SLC9A7: variants seen among roughly 807,000 people sequenced by gnomAD.
The protein encoded by SLC9A7 is solute carrier family 9 member A7, also known as sodium/hydrogen exchanger 7.
SLC9A7 carries 19 observed loss-of-function variants against 52.6 expected under a neutral mutation model. That is an observed-to-expected ratio of 0.36 (90% CI 0.25 to 0.53). The LOEUF (loss-of-function observed/expected upper bound fraction) is 0.53, where lower values mean the gene tolerates loss of function less well. Among genes scored for constraint, SLC9A7 ranks in the 20% least tolerant of loss-of-function variants. The probability of loss-of-function intolerance (pLI) is 0.91; values close to 1 mark genes in which losing one functional copy is unlikely to be tolerated. For synonymous variants in SLC9A7, 226 were observed against 252.1 expected, an observed-to-expected ratio of 0.90 and a Z score of 0.98; for missense variants, 455 against 597.9, an observed-to-expected ratio of 0.76 and a Z score of 2.49.
chrX:46,663,377 G>A (rs1347491049), intron 5 of SLC9A7, among the ~76,000 whole-genome samples: 2 of 108,191 alleles, frequency 1.8e-5, no homozygotes, highest in Non-Finnish European at 3.8e-5. Context: ...GGTGGCTTAC[G>A]CCTGTAATCC....
At chrX:46,751,231 T>C (rs1207025612) in intron 1 of SLC9A7, among the ~76,000 whole-genome samples, 1 of 111,536 alleles carries the variant, frequency 9.0e-6, no homozygotes, top group African/African-American at 3.3e-5. Context: ...GGAAGGCATC[T>C]GGTCCCTGAA....
intron 1 of SLC9A7, among the ~76,000 whole-genome samples, chrX:46,699,008 C>G (rs987764220): frequency 9.0e-6 from 1 of 111,593 alleles, no homozygotes; most frequent in Non-Finnish European, 1.9e-5. Context: ...TATCTCATCC[C>G]CTTAGAACAA....
chrX:46,617,001 T>G (rs1942964207), intron 15 of SLC9A7, among the ~76,000 whole-genome samples: 1 of 111,956 alleles, frequency 8.9e-6, no homozygotes, highest in Non-Finnish European at 1.9e-5. Flanking sequence ...TCTTCCATTA[T>G]TTCTTTGGTA....
intron 11 of SLC9A7, among the ~76,000 whole-genome samples, chrX:46,644,620 G>A: frequency 1.0e-5 from 1 of 99,243 alleles, no homozygotes; most frequent in East Asian, 3.1e-4. Flanking sequence ...CTGGAGGACA[G>A]AGCAAGGCTG....
At chrX:46,625,768 T>C (rs753413457) in intron 14 of SLC9A7, among the ~76,000 whole-genome samples, 38 of 102,231 alleles carry the variant, frequency 3.7e-4, no homozygotes, top group Non-Finnish European at 5.6e-4. Flanking sequence ...GAGGAAGGAA[T>C]GCAGTAGAAG....
intron 1 of SLC9A7, among the ~76,000 whole-genome samples, chrX:46,705,621 G>C (rs1349537640): frequency 1.8e-5 from 2 of 111,669 alleles, no homozygotes; most frequent in Admixed American, 9.5e-5. Flanking sequence ...GATTGCTTGA[G>C]CTCAGGAGTT....
At chrX:46,682,959 A>ATTTTTTTTTTT (rs1276924527) in intron 1 of SLC9A7, among the ~76,000 whole-genome samples, 1 of 62,474 alleles carries the variant, frequency 1.6e-5, no homozygotes, top group African/African-American at 7.8e-5. Flanking sequence ...ACACCCGGCT[A>ATTTTTTTTTTT]ATTTTTTTTT....
rs182152485 is a variant in SLC9A7 at position 46,696,193 on chromosome X, C to T, written c.326-13658G>A. On this transcript the variant is annotated intron_variant, in intron 1 of 16. Transcript: ENST00000616978. ...TAGAGACAGGGTTTCTCCAAGTTGG[C>T]CAGGGTGGTCTTGAACTCCTGGCCT... Among the ~76,000 whole-genome samples, 857 of 110,273 alleles carry T rather than the reference C, an allele frequency of 7.8e-3. 11 individuals are homozygous for T. The highest frequency in any genetic ancestry group is 0.026 in the African/African-American group (775 of 30,260).
intron 1 of SLC9A7, among the ~76,000 whole-genome samples, chrX:46,732,586 C>T (rs954483861): frequency 1.4e-4 from 16 of 110,715 alleles, no homozygotes; most frequent in African/African-American, 2.6e-4. Context: ...TTTGATAACA[C>T]ACCCTGTTGG....
intron 1 of SLC9A7, among the ~76,000 whole-genome samples, chrX:46,744,025 G>A (rs1921556205): frequency 8.9e-6 from 1 of 112,210 alleles, no homozygotes; most frequent in Non-Finnish European, 1.9e-5. Context: ...TCCAAATCTG[G>A]CATGGCAGCT....
chrX:46,631,671 G>A, intron 13 of SLC9A7, 22 bp from the exon 14 acceptor site: 5 of 1,181,857 alleles, frequency 4.2e-6, no homozygotes, highest in Non-Finnish European at 5.7e-6. Context: ...CAGGGAGAAA[G>A]ACAAAGAGAA....
chrX:46,608,549 C>T (rs898557328), intron 16 of SLC9A7, among the ~76,000 whole-genome samples: 5 of 112,663 alleles, frequency 4.4e-5, no homozygotes, highest in Admixed American at 9.4e-5. Context: ...GCTCAGAGCA[C>T]AGTTCTAAAA....
chrX:46,731,747 G>A (rs954503567), intron 1 of SLC9A7, among the ~76,000 whole-genome samples: 1 of 110,662 alleles, frequency 9.0e-6, no homozygotes, highest in Non-Finnish European at 1.9e-5. Context: ...ATTTATCACA[G>A]ATAAAGGGCT....
intron 12 of SLC9A7, among the ~76,000 whole-genome samples, chrX:46,637,096 T>C (rs1401142391): frequency 8.9e-6 from 1 of 112,332 alleles, no homozygotes; most frequent in Non-Finnish European, 1.9e-5. Flanking sequence ...TAAAATATAC[T>C]AAGTGCTTAT....
chrX:46,671,565 T>G (rs149133221), intron 4 of SLC9A7, among the ~76,000 whole-genome samples: 5 of 111,723 alleles, frequency 4.5e-5, no homozygotes, highest in Admixed American at 9.5e-5. Flanking sequence ...CACTTCGCCC[T>G]GCCAGACTTT....
At chrX:46,669,202 A>G (rs921247536) in intron 5 of SLC9A7, among the ~76,000 whole-genome samples, 2 of 109,504 alleles carry the variant, frequency 1.8e-5, no homozygotes, top group African/African-American at 6.6e-5. Flanking sequence ...AAGATAGTAA[A>G]TTTTATGTCA....
intron 5 of SLC9A7, 99 bp from the exon 6 acceptor site, chrX:46,662,742 G>T: frequency 1.7e-6 from 1 of 583,322 alleles, no homozygotes; most frequent in Non-Finnish European, 2.8e-6. Context: ...GGGTGGGACT[G>T]GGTGATTCAA....
At chrX:46,666,532 C>T (rs1323455385) in intron 5 of SLC9A7, among the ~76,000 whole-genome samples, 1 of 112,262 alleles carries the variant, frequency 8.9e-6, no homozygotes, top group East Asian at 2.8e-4. Flanking sequence ...AAGTTAATGT[C>T]CTGATGCTTA....
At chrX:46,691,109 T>C (rs780999556) in intron 1 of SLC9A7, among the ~76,000 whole-genome samples, 4 of 111,934 alleles carry the variant, frequency 3.6e-5, no homozygotes, top group Non-Finnish European at 7.5e-5. Flanking sequence ...CTCAATTTAA[T>C]TGACCTTTCA....
Sources: gnomAD v4.1 joint callset for allele counts (sites outside exome capture counted in the v4.1 genomes callset) on GRCh38, gnomAD v4.1.1 for gene constraint, MANE v1.5 for transcripts, NCBI Gene and HGNC (gene_info 2026-07-23, HGNC 2026-07-21) for gene names.